The following CENPU variants were observed in gnomAD, a reference collection of about 807,000 sequenced individuals.
CENPU encodes the protein KSHV latent nuclear antigen interacting protein 1.
A neutral mutation model predicts 56.7 loss-of-function variants in CENPU; 46 were observed. The observed-to-expected ratio is 0.81, with a 90% CI of 0.64 to 1.04. The LOEUF (loss-of-function observed/expected upper bound fraction) is 1.04. CENPU is among the 50% of genes least tolerant of loss of function. The pLI is 0.00. For missense variants in CENPU, 510 were observed against 490.1 expected (o/e 1.04, Z -0.38); for synonymous variants, 166 against 163.0 (o/e 1.02, Z -0.14).
intron 12 of CENPU, among the ~76,000 whole-genome samples, chr4:184,696,551 TA>T (rs1760327625): frequency 6.6e-6 from 1 of 152,168 alleles, no homozygotes; most frequent in Non-Finnish European, 1.5e-5. Flanking sequence ...AAAATACCTT[TA>T]AAAGCATTCT....
At chr4:184,716,215 A>T (rs1279875133) in intron 6 of CENPU, among the ~76,000 whole-genome samples, 182 bp downstream of exon 6, 1 of 152,172 alleles carries the variant, frequency 6.6e-6, no homozygotes, top group East Asian at 1.9e-4. Flanking sequence ...GATTACAGGC[A>T]TGAGCCACCT....
chr4:184,707,255 A>G (rs998101010), intron 8 of CENPU, among the ~76,000 whole-genome samples: 1 of 151,054 alleles, frequency 6.6e-6, no homozygotes, highest in African/African-American at 2.5e-5. Flanking sequence ...AGAGAGAATA[A>G]CTGCTGTAAG....
intron 1 of CENPU, chr4:184,733,501 T>A: frequency 1.2e-6 from 1 of 840,706 alleles, no homozygotes; most frequent in Non-Finnish European, 1.4e-6. Flanking sequence ...TCGCTTTCTT[T>A]GGTAAACAAA....
chr4:184,733,924 C>T, intron 1 of CENPU, 92 bp downstream of exon 1: 1 of 1,559,450 alleles, frequency 6.4e-7, no homozygotes, highest in Non-Finnish European at 8.8e-7. Flanking sequence ...CAGTGGAGCA[C>T]CAACAGCGCC....
chr4:184,731,883 C>CTGTGTGTGTGTGTGTGTGTGTG (rs59083873), intron 1 of CENPU, among the ~76,000 whole-genome samples: 2,441 of 146,718 alleles, frequency 0.017, 38 homozygotes, highest in South Asian at 0.029. Flanking sequence ...CTCATGTGCT[C>CTGTGTGTGTGTGTGTGTGTGTG]TGTGTGTGTG....
chr4:184,698,503 T>C (rs1561126519), intron 11 of CENPU, among the ~76,000 whole-genome samples: 1 of 152,086 alleles, frequency 6.6e-6, no homozygotes, highest in Admixed American at 6.6e-5. Context: ...AGGCTGGGAG[T>C]GCAGTGGCGT....
intron 7 of CENPU, among the ~76,000 whole-genome samples, chr4:184,712,119 C>CAAAAA (rs10650384): frequency 0.033 from 2,665 of 80,510 alleles, 164 homozygotes; most frequent in African/African-American, 0.12. Flanking sequence ...GACTCAGTCT[C>CAAAAA]AAAAAAAAAA....
At chr4:184,720,600 C>T (rs540148458) in intron 4 of CENPU, among the ~76,000 whole-genome samples, 4 of 152,136 alleles carry the variant, frequency 2.6e-5, no homozygotes, top group Admixed American at 6.5e-5. Context: ...TAATCAAACA[C>T]CCAAAGGTCA....
Position 184,697,752 on chromosome 4 carries a change from C to G in CENPU, c.1038G>C (p.Glu346Asp). The change falls in exon 12 of 13, where the codon GAG becomes GAC. Residue 346 changes from glutamate (E) to aspartate (D), a missense_variant. Coordinates refer to ENST00000281453, the MANE Select transcript of CENPU (RefSeq NM_024629.4). The stretch of plus-strand genomic sequence containing the variant: ...CTGCATTCCTAAGGGAAGACTTTCT[C>G]TCTTTAAGTTCATCATATTTTGTTT... ...QLQTKYDELK[E>D]RKSSLRNAAY... 6.2e-7 allele frequency: 1 copy of G among 1,612,146 alleles called. No homozygotes were observed. The highest frequency in any genetic ancestry group is 8.5e-7 in the Non-Finnish European group (1 of 1,179,436).
chr4:184,722,987 ACG>A (rs1183228529), intron 4 of CENPU, among the ~76,000 whole-genome samples: 1 of 152,194 alleles, frequency 6.6e-6, no homozygotes, highest in Non-Finnish European at 1.5e-5. Context: ...AAGGACAAAC[ACG>A]TTTCATTTGA....
chr4:184,713,093 T>C, intron 6 of CENPU, 80 bp from the exon 7 acceptor site: 1 of 923,392 alleles, frequency 1.1e-6, no homozygotes, highest in East Asian at 2.5e-5. Flanking sequence ...GTCACCAAAC[T>C]GTCATTCAAT....
At chr4:184,719,163 C>T (rs1046142539) in intron 4 of CENPU, among the ~76,000 whole-genome samples, 8 of 152,210 alleles carry the variant, frequency 5.3e-5, no homozygotes, top group African/African-American at 9.6e-5. Context: ...CAACTATCTA[C>T]ACAAAGGGAA....
chr4:184,727,593 ACAGTTCCT>A (rs1293458562), intron 3 of CENPU, among the ~76,000 whole-genome samples: 1 of 152,172 alleles, frequency 6.6e-6, no homozygotes, highest in African/African-American at 2.4e-5. Context: ...GCTTTGTAAA[ACAGTTCCT>A]CAAAAAGTTA....
chr4:184,712,856 T>C, intron 7 of CENPU, 88 bp downstream of exon 7: 1 of 904,018 alleles, frequency 1.1e-6, no homozygotes, highest in South Asian at 1.5e-5. Flanking sequence ...GTACTTACAA[T>C]TTACTACTAT....
intron 12 of CENPU, among the ~76,000 whole-genome samples, 157 bp downstream of exon 12, chr4:184,697,490 T>C (rs1305901853): frequency 1.3e-5 from 2 of 152,182 alleles, no homozygotes; most frequent in Non-Finnish European, 2.9e-5. Flanking sequence ...AGTGCTGATA[T>C]AATGAAGTTT....
At chr4:184,731,032 G>T in intron 1 of CENPU, 64 bp from the exon 2 acceptor site, 4 of 1,168,822 alleles carry the variant, frequency 3.4e-6, no homozygotes, top group Non-Finnish European at 3.6e-6. Flanking sequence ...AAACACCATA[G>T]TTATGACCCT....
chr4:184,694,842 T>A lies in CENPU; in HGVS notation c.*446A>T, dbSNP rs529952585. On this transcript the variant is annotated 3_prime_UTR_variant, in exon 13 of 13. Transcript: ENST00000281453. Reference sequence around the variant, plus strand: ...TTTGCCTGATGTCTGTGAGATTTGATAAATATATCATTCAACCTGTTTATA... The same window carrying A: ...TTTGCCTGATGTCTGTGAGATTTGAAAAATATATCATTCAACCTGTTTATA... 543 of 1,360,604 alleles carry A rather than the reference T, an allele frequency of 4.0e-4. 5 individuals are homozygous for A. The African/African-American group carries it at 7.4e-3, about 19-fold the overall frequency. The allele number at this position is 1,360,604 out of a possible 1,614,324, so 84.3% of individuals were successfully genotyped here. A position where few individuals can be genotyped will look rare whatever the true frequency, so the allele number is the denominator to read the frequency against.
At chr4:184,700,739 G>A in intron 11 of CENPU, 81 bp downstream of exon 11, 1 of 1,202,582 alleles carries the variant, frequency 8.3e-7, no homozygotes, top group Non-Finnish European at 1.2e-6. Flanking sequence ...CATCACAGCA[G>A]CAAGTGTCAC....
At chr4:184,696,163 A>C (rs1487380462) in intron 12 of CENPU, among the ~76,000 whole-genome samples, 1 of 152,226 alleles carries the variant, frequency 6.6e-6, no homozygotes, top group Non-Finnish European at 1.5e-5. Context: ...TGCTGTGACT[A>C]CCACACACAT....
Sources: allele counts gnomAD v4.1 joint callset (sites outside exome capture counted in the v4.1 genomes callset), GRCh38; gene constraint gnomAD v4.1.1; transcripts MANE v1.5; gene names NCBI Gene and HGNC (gene_info 2026-07-23, HGNC 2026-07-21).